MSI2: variants seen among roughly 807,000 people sequenced by gnomAD.
MSI2 encodes the protein musashi RNA binding protein 2.
In MSI2, 17 loss-of-function variants were observed where a neutral mutation model predicts 45.6. That is an observed-to-expected ratio of 0.37 (90% CI 0.26 to 0.56). MSI2 has a LOEUF of 0.56. Among genes scored for constraint, MSI2 ranks in the 20% least tolerant of loss-of-function variants. The probability of loss-of-function intolerance (pLI) is 0.77; values close to 1 mark genes in which losing one functional copy is unlikely to be tolerated. For synonymous variants in MSI2, 156 were observed against 158.2 expected (o/e 0.99, Z 0.11); for missense variants, 293 against 444.2 (o/e 0.66, Z 3.06).
At chr17:57,461,466 T>C (rs1374542182) in intron 6 of MSI2, among the ~76,000 whole-genome samples, 1 of 151,308 alleles carries the variant, frequency 6.6e-6, no homozygotes. Context: ...TGCAGGGAAG[T>C]AGGAAATTTC....
intron 6 of MSI2, among the ~76,000 whole-genome samples, chr17:57,492,873 A>C (rs2085902930): frequency 1.3e-5 from 2 of 152,210 alleles, no homozygotes; most frequent in South Asian, 4.1e-4. Context: ...TTGGGATTAC[A>C]GGCGTGAGCC....
intron 6 of MSI2, chr17:57,523,672 G>A (rs1233633145): frequency 6.6e-6 from 1 of 152,220 alleles, no homozygotes; most frequent in Non-Finnish European, 1.5e-5. Flanking sequence ...GTGAGATTTA[G>A]AAGAGGTCCG....
intron 6 of MSI2, among the ~76,000 whole-genome samples, chr17:57,439,138 C>A (rs1370540221): frequency 6.6e-6 from 1 of 152,172 alleles, no homozygotes; most frequent in Non-Finnish European, 1.5e-5. Flanking sequence ...GGGACACTTT[C>A]ATTAGGTTTC....
At chr17:57,341,789 A>G (rs970198597) in intron 5 of MSI2, among the ~76,000 whole-genome samples, 1 of 152,212 alleles carries the variant, frequency 6.6e-6, no homozygotes, top group Non-Finnish European at 1.5e-5. Context: ...AGCCATTTGA[A>G]AAGAGCTTTA....
intron 6 of MSI2, among the ~76,000 whole-genome samples, chr17:57,527,660 G>A (rs2086732749): frequency 6.6e-6 from 1 of 152,210 alleles, no homozygotes; most frequent in African/African-American, 2.4e-5. Flanking sequence ...AGAAGGGGAA[G>A]GCCCCAGGAG....
chr17:57,547,989 C>T (rs1266846129), intron 7 of MSI2, among the ~76,000 whole-genome samples: 1 of 152,180 alleles, frequency 6.6e-6, no homozygotes, highest in East Asian at 1.9e-4. Context: ...TGTTGCAGTT[C>T]ATCCAGAGTG....
In MSI2 at chr17:57,675,097, C is replaced by T. The variant is rs769954567; in HGVS notation, c.916C>T (p.Pro306Ser). Residue 306 changes from proline to serine, a missense_variant, in exon 12 of 14, where the codon CCG (proline) becomes TCG (serine). Physicochemically the swap from Pro to Ser is moderately conservative, Grantham distance 74 (BLOSUM62 -1). Coordinates refer to ENST00000284073, the MANE Select transcript of MSI2 (RefSeq NM_138962.4). Reference protein sequence around the residue: ...GNYISAASPQPGSGFGHGIAG... With the variant: ...GNYISAASPQSGSGFGHGIAG... ...TTACATAAGTGCGGCCAGCCCACAG[C>T]CGGGCTCGGGCTTCGGCCACGGCAT... The T allele has an allele frequency of 1.9e-6, 3 of 1,613,880 alleles. No individual in the cohort carries two copies. The highest frequency in any genetic ancestry group is 2.5e-6 in the Non-Finnish European group (3 of 1,179,984).
intron 5 of MSI2, among the ~76,000 whole-genome samples, chr17:57,351,954 G>C (rs1228757761): frequency 1.3e-5 from 2 of 152,222 alleles, no homozygotes; most frequent in African/African-American, 2.4e-5. Flanking sequence ...ATAGATGAGT[G>C]AGACAATGAA....
chr17:57,637,830 T>G (rs1909955287), intron 10 of MSI2, among the ~76,000 whole-genome samples: 1 of 152,222 alleles, frequency 6.6e-6, no homozygotes. Context: ...GCAGCTACAG[T>G]GAGGGAGGCT....
intron 8 of MSI2, chr17:57,601,628 C>T (rs1220359234): frequency 6.6e-6 from 1 of 152,236 alleles, no homozygotes. Flanking sequence ...TCCGCAGAGG[C>T]CTAGTACAGC....
At chr17:57,615,305 T>G (rs949937237) in intron 8 of MSI2, among the ~76,000 whole-genome samples, 7 of 151,748 alleles carry the variant, frequency 4.6e-5, no homozygotes, top group African/African-American at 1.7e-4. Context: ...TTTTTTGTAT[T>G]TTTTTAGTAC....
chr17:57,586,337 A>T (rs1054511861), intron 7 of MSI2, among the ~76,000 whole-genome samples: 2 of 152,038 alleles, frequency 1.3e-5, no homozygotes, highest in African/African-American at 2.4e-5. Flanking sequence ...TGGTTTGAGG[A>T]TGGTTAGAGG....
At chr17:57,572,727 C>T (rs2087910294) in intron 7 of MSI2, among the ~76,000 whole-genome samples, 1 of 152,208 alleles carries the variant, frequency 6.6e-6, no homozygotes, top group Non-Finnish European at 1.5e-5. Flanking sequence ...AGGCTGCCAC[C>T]CACCAGCTCA....
chr17:57,533,465 G>A (rs573018075), intron 7 of MSI2, among the ~76,000 whole-genome samples: 1 of 152,296 alleles, frequency 6.6e-6, no homozygotes, highest in Non-Finnish European at 1.5e-5. Flanking sequence ...AGCATCTCAG[G>A]TTCTTCCTCT....
chr17:57,327,346 A>C (rs1054026146), intron 5 of MSI2, among the ~76,000 whole-genome samples: 1 of 152,234 alleles, frequency 6.6e-6, no homozygotes, highest in Non-Finnish European at 1.5e-5. Context: ...GAGGTCACAC[A>C]GCCAGTGTAC....
intron 7 of MSI2, among the ~76,000 whole-genome samples, chr17:57,559,848 A>G (rs2087530162): frequency 6.6e-6 from 1 of 152,264 alleles, no homozygotes; most frequent in Non-Finnish European, 1.5e-5. Flanking sequence ...ACGTCTCCAC[A>G]GGCTGCCCCG....
At chr17:57,435,714 A>G (rs2084679526) in intron 6 of MSI2, among the ~76,000 whole-genome samples, 1 of 152,224 alleles carries the variant, frequency 6.6e-6, no homozygotes, top group Non-Finnish European at 1.5e-5. Flanking sequence ...CCTCAGGGCT[A>G]TGCTGTCTCA....
intron 5 of MSI2, among the ~76,000 whole-genome samples, chr17:57,313,045 C>T (rs903005487): frequency 5.9e-5 from 9 of 152,130 alleles, no homozygotes; most frequent in African/African-American, 2.2e-4. Context: ...CGGGGTTTCA[C>T]CTTGTTGACC....
At chr17:57,394,462 G>C (rs1206346843) in intron 5 of MSI2, among the ~76,000 whole-genome samples, 1 of 152,246 alleles carries the variant, frequency 6.6e-6, no homozygotes, top group East Asian at 1.9e-4. Context: ...AGTGAGGGCA[G>C]AGAATTCTAG....
Sources: allele counts gnomAD v4.1 joint callset (sites outside exome capture counted in the v4.1 genomes callset), GRCh38; gene constraint gnomAD v4.1.1; transcripts MANE v1.5; gene names NCBI Gene and HGNC (gene_info 2026-07-23, HGNC 2026-07-21).